Variants in SMG6 observed in about 807,000 individuals in gnomAD.
SMG6 encodes SMG6 nonsense mediated mRNA decay factor, also known as telomerase-binding protein EST1A.
SMG6 carries 66 observed loss-of-function variants against 142.2 expected under a neutral mutation model. That is an observed-to-expected ratio of 0.46 (90% CI 0.38 to 0.57). The LOEUF (loss-of-function observed/expected upper bound fraction) is 0.57. Ranked by LOEUF, SMG6 falls within the 20% of genes least tolerant of loss-of-function variation. The pLI, the probability that SMG6 is intolerant of heterozygous loss-of-function variation, is 0.00. For synonymous variants in SMG6, 779 were observed against 702.4 expected (o/e 1.11, Z -1.72); for missense variants, 1,793 against 1,832.0 (o/e 0.98, Z 0.39).
intron 8 of SMG6, among the ~76,000 whole-genome samples, chr17:2,282,107 C>T (rs1393077378): frequency 6.6e-6 from 1 of 152,140 alleles, no homozygotes; most frequent in African/African-American, 2.4e-5. Flanking sequence ...TAGTGACTGG[C>T]ACACTGTCGA....
chr17:2,153,115 G>A (rs900904166), intron 13 of SMG6, among the ~76,000 whole-genome samples: 3 of 152,218 alleles, frequency 2.0e-5, no homozygotes, highest in Non-Finnish European at 4.4e-5. Flanking sequence ...CGTGGCCCAC[G>A]CAGCCCAACG....
intron 1 of SMG6, 25 bp from the exon 2 acceptor site, chr17:2,300,689 G>A: frequency 1.3e-6 from 2 of 1,535,942 alleles, no homozygotes; most frequent in Non-Finnish European, 8.7e-7. Flanking sequence ...AAAGAGTTTG[G>A]GAGGGAAAGG....
intron 10 of SMG6, among the ~76,000 whole-genome samples, chr17:2,192,335 C>T (rs1451045671): frequency 6.6e-6 from 1 of 152,260 alleles, no homozygotes; most frequent in East Asian, 1.9e-4. Flanking sequence ...ATGGAACTAT[C>T]AGAGTTCCCT....
intron 13 of SMG6, among the ~76,000 whole-genome samples, chr17:2,098,700 G>A (rs866082468): frequency 1.3e-5 from 2 of 151,930 alleles, no homozygotes; most frequent in East Asian, 3.9e-4. Context: ...GCGTGATCTC[G>A]GCTCACTGAA....
intron 14 of SMG6, among the ~76,000 whole-genome samples, chr17:2,083,653 C>T (rs890836979): frequency 1.3e-5 from 2 of 152,222 alleles, no homozygotes; most frequent in Non-Finnish European, 2.9e-5. Flanking sequence ...CATTCACTTC[C>T]TTGTTCATGA....
chr17:2,250,269 T>A (rs1317644402), intron 8 of SMG6, among the ~76,000 whole-genome samples: 1 of 152,082 alleles, frequency 6.6e-6, no homozygotes, highest in Admixed American at 6.6e-5. Flanking sequence ...GAAAAGTGAA[T>A]CATTTTAAGG....
intron 10 of SMG6, among the ~76,000 whole-genome samples, chr17:2,200,771 G>A (rs544288419): frequency 1.1e-4 from 16 of 152,180 alleles, no homozygotes; most frequent in South Asian, 2.1e-4. Flanking sequence ...GTGCAGTGGC[G>A]CAATCATAGC....
intron 10 of SMG6, among the ~76,000 whole-genome samples, chr17:2,205,203 G>C (rs1356869064): frequency 1.3e-5 from 2 of 151,952 alleles, no homozygotes; most frequent in African/African-American, 4.8e-5. Context: ...CAAGTAGCTG[G>C]GATTACAGGT....
At chr17:2,267,921 G>C (rs1278456679) in intron 8 of SMG6, among the ~76,000 whole-genome samples, 1 of 151,706 alleles carries the variant, frequency 6.6e-6, no homozygotes, top group Non-Finnish European at 1.5e-5. Context: ...CTAATTTTTT[G>C]TATTTTTAGT....
intron 10 of SMG6, among the ~76,000 whole-genome samples, chr17:2,202,558 G>GA (rs796809054): frequency 5.6e-4 from 81 of 144,684 alleles, no homozygotes; most frequent in South Asian, 1.8e-3. Context: ...TCTGAAAAAG[G>GA]AAAAAAAAAA....
intron 10 of SMG6, among the ~76,000 whole-genome samples, chr17:2,218,476 G>T (rs2151761980): frequency 6.6e-6 from 1 of 152,244 alleles, no homozygotes; most frequent in East Asian, 1.9e-4. Context: ...GGACCCAGGG[G>T]CAGAGCTTGC....
intron 13 of SMG6, among the ~76,000 whole-genome samples, chr17:2,095,479 A>C (rs142343544): frequency 1.3e-5 from 2 of 152,320 alleles, no homozygotes; most frequent in African/African-American, 4.8e-5. Flanking sequence ...GTTCAGCAAC[A>C]TGTAAGTGCC....
In SMG6 at chr17:2,068,890, G is replaced by T; in HGVS notation, c.3723C>A (p.Leu1241=). ...GTACGAGGAACAAAGGTCTGATTTC[G>T]AGCTCCATCTGCCTCATCTGACTGT... ...EDHSQMRQME[L]EIRPLFLVPD... Residue 1241 remains leucine (L), a synonymous_variant, in exon 16 of 19, where the codon CTC becomes CTA. Transcript: ENST00000263073. This position sits in a 1 kb window ranked among gnomAD's most constrained non-coding sequence, Gnocchi z 6.7. 3 of 1,614,190 alleles carry T rather than the reference G, an allele frequency of 1.9e-6. No individual in the cohort carries two copies. The highest frequency in any genetic ancestry group is 1.7e-6 in the Non-Finnish European group (2 of 1,180,016).
chr17:2,273,501 C>T (rs747430241), intron 8 of SMG6, among the ~76,000 whole-genome samples: 1 of 151,956 alleles, frequency 6.6e-6, no homozygotes, highest in Non-Finnish European at 1.5e-5. Flanking sequence ...GGCATGGTGG[C>T]GGGTGCCTGT....
At chr17:2,077,416 T>C (rs2068290517) in intron 15 of SMG6, among the ~76,000 whole-genome samples, 1 of 152,022 alleles carries the variant, frequency 6.6e-6, no homozygotes, top group East Asian at 1.9e-4. Context: ...TGGAGTTTCA[T>C]CTGGGGATTG....
intron 10 of SMG6, chr17:2,233,340 T>C (rs1308278797): frequency 2.0e-5 from 3 of 152,150 alleles, no homozygotes; most frequent in Non-Finnish European, 4.4e-5. Flanking sequence ...CAAGAAGGAA[T>C]GGAAAGAAAA....
intron 9 of SMG6, among the ~76,000 whole-genome samples, chr17:2,239,784 T>A (rs2073756627): frequency 6.6e-6 from 1 of 152,096 alleles, no homozygotes; most frequent in South Asian, 2.1e-4. Context: ...TCTGTTAATT[T>A]AAAAAGCAAA....
chr17:2,301,651 G>C (rs1435441138), intron 1 of SMG6, among the ~76,000 whole-genome samples: 1 of 151,334 alleles, frequency 6.6e-6, no homozygotes. Flanking sequence ...GACCATCCTG[G>C]CTAACACGGT....
At chr17:2,165,516 T>C (rs778372753) in intron 13 of SMG6, among the ~76,000 whole-genome samples, 30 of 152,222 alleles carry the variant, frequency 2.0e-4, no homozygotes, top group African/African-American at 6.3e-4. Context: ...TCCTTACTGG[T>C]TGAGCATCCC....
Sources: allele counts gnomAD v4.1 joint callset (sites outside exome capture counted in the v4.1 genomes callset), GRCh38; gene constraint gnomAD v4.1.1; non-coding constraint Gnocchi (gnomAD v3.1); transcripts MANE v1.5; gene names NCBI Gene and HGNC (gene_info 2026-07-23, HGNC 2026-07-21).